EFS: variants seen among roughly 807,000 people sequenced by gnomAD.
EFS encodes the protein Cas scaffolding protein family member 3.
Under a neutral mutation model 42.2 loss-of-function variants are expected in EFS, and 34 were observed. The ratio of observed to expected loss-of-function variants is 0.81; its 90% CI spans 0.61 to 1.07. EFS has a LOEUF of 1.07. Ranked by LOEUF, EFS falls within the 50% of genes least tolerant of loss-of-function variation. The probability of loss-of-function intolerance (pLI) is 0.00; values close to 1 mark genes in which losing one functional copy is unlikely to be tolerated. For missense variants in EFS, 717 were observed against 729.4 expected (o/e 0.98, Z 0.20); for synonymous variants, 299 against 320.7 (o/e 0.93, Z 0.72).
In EFS at chr14:23,360,276, A is replaced by G. The variant is rs768946317; in HGVS notation, c.303T>C (p.Tyr101=). 2.2e-5 allele frequency: 35 copies of G among 1,611,366 alleles called. No individual in the cohort carries two copies. The Middle Eastern group carries it at 4.9e-4, about 23-fold the overall frequency. Residue 101 remains tyrosine, a synonymous_variant, in exon 3 of 6, where the codon TAT becomes TAC. Coordinates refer to ENST00000216733, the MANE Select transcript of EFS (RefSeq NM_005864.4). ...PDHSNEDQEV[Y]VVPPPARPCP... Reference sequence around the variant, plus strand: ...AGGGCCGAGCTGGGGGCGGCACCACATACACCTGAGGGATCAAATAGATGG... The same window carrying G: ...AGGGCCGAGCTGGGGGCGGCACCACGTACACCTGAGGGATCAAATAGATGG...
At chr14:23,364,061 A>G (rs1312669964) in intron 1 of EFS, among the ~76,000 whole-genome samples, 1 of 152,108 alleles carries the variant, frequency 6.6e-6, no homozygotes, top group South Asian at 2.1e-4. Context: ...GTCCCCACTG[A>G]GAAGGGAACA....
At chr14:23,363,440 T>C (rs190198708) in intron 1 of EFS, among the ~76,000 whole-genome samples, 1 of 152,280 alleles carries the variant, frequency 6.6e-6, no homozygotes, top group Non-Finnish European at 1.5e-5. Flanking sequence ...ATAGCTGTTA[T>C]TAGAATCCTG....
chr14:23,358,225 T>TC (rs1253558090), intron 5 of EFS, among the ~76,000 whole-genome samples: 1 of 152,194 alleles, frequency 6.6e-6, no homozygotes, highest in African/African-American at 2.4e-5. Context: ...ATAGTGCAGT[T>TC]CTAGTATGTA....
intron 1 of EFS, among the ~76,000 whole-genome samples, chr14:23,362,976 C>T (rs1890204507): frequency 1.3e-5 from 2 of 149,368 alleles, no homozygotes; most frequent in African/African-American, 2.5e-5. Flanking sequence ...TGCAGTGGTG[C>T]GATCTCGGCT....
chr14:23,361,264 T>C (rs993225447), intron 1 of EFS, among the ~76,000 whole-genome samples: 3 of 152,220 alleles, frequency 2.0e-5, no homozygotes, highest in African/African-American at 4.8e-5. Flanking sequence ...TGAATGAATG[T>C]CTTCCAAAAC....
intron 5 of EFS, among the ~76,000 whole-genome samples, chr14:23,358,291 A>C (rs11158148): frequency 0.41 from 61,878 of 151,964 alleles, 15,013 homozygotes; most frequent in African/African-American, 0.69. Context: ...GGGCTTAGCA[A>C]AGTGCATTTC....
intron 1 of EFS, among the ~76,000 whole-genome samples, chr14:23,363,102 G>A (rs1050568675): frequency 6.6e-6 from 1 of 151,596 alleles, no homozygotes; most frequent in Non-Finnish European, 1.5e-5. Flanking sequence ...TTTAGTAGAG[G>A]CGGGGTTTCA....
chr14:23,361,687 T>A (rs919546626), intron 1 of EFS, among the ~76,000 whole-genome samples: 1 of 152,302 alleles, frequency 6.6e-6, no homozygotes, highest in African/African-American at 2.4e-5. Context: ...TCCAGTCCTG[T>A]CTGGTGGGGG....
intron 1 of EFS, 101 bp from the exon 2 acceptor site, chr14:23,360,934 T>C: frequency 8.0e-7 from 1 of 1,255,522 alleles, no homozygotes; most frequent in Non-Finnish European, 1.1e-6. Context: ...TCCCTCAAGC[T>C]AAAAAACCTG....
Position 23,365,096 on chromosome 14 carries a change from C to T in EFS, c.-71G>A, listed in dbSNP as rs1566494085. On this transcript the variant is annotated 5_prime_UTR_variant, in exon 1 of 6. Coordinates refer to ENST00000216733, the MANE Select transcript of EFS (RefSeq NM_005864.4). The surrounding 1 kb of genome is among the most constrained non-coding windows in gnomAD (Gnocchi z 5.3). ...GCTGACTTCAGCGGTGGCTGCCCCG[C>T]ACCATGGTCCGCGGCCTCTAGCCCC... 1 of 1,246,074 alleles carries T rather than the reference C, an allele frequency of 8.0e-7. No individual in the cohort carries two copies. The highest frequency in any genetic ancestry group is 1.5e-5 in the African/African-American group (1 of 64,644). 77.2% of individuals were successfully genotyped at this position (1,246,074 alleles called of 1,614,324 possible). A position where few individuals can be genotyped will look rare whatever the true frequency, so the allele number is the denominator to read the frequency against.
intron 1 of EFS, 47 bp downstream of exon 1, chr14:23,364,961 G>T: frequency 7.9e-7 from 1 of 1,265,888 alleles, no homozygotes; most frequent in Non-Finnish European, 1.0e-6. Context: ...CGCAGGGCAG[G>T]CCGTGGAGGT....
intron 1 of EFS, among the ~76,000 whole-genome samples, chr14:23,361,780 T>C (rs1036885426): frequency 2.0e-5 from 3 of 152,228 alleles, no homozygotes; most frequent in East Asian, 3.8e-4. Context: ...CCAGACACTG[T>C]GCAAATCTTT....
rs533010610 is a variant in EFS, at chr14:23,360,430, C to T, written c.297+125G>A. 2.4e-5 allele frequency: 36 copies of T among 1,491,650 alleles called. No homozygotes were observed. In the South Asian group the frequency reaches 3.3e-4, roughly 14 times the overall value. 92.4% of individuals were successfully genotyped at this position (1,491,650 alleles called of 1,614,324 possible). ...AGGTTGGTAGACAGGTTTCGTCCAG[C>T]GCAGAGCAGTGAAGAGCTGTGGCCT... On this transcript the variant is annotated intron_variant, in intron 2 of 5. Transcript: ENST00000216733.
chr14:23,357,060 TA>T lies in EFS; in HGVS notation c.*165del. On this transcript the variant is annotated 3_prime_UTR_variant, in exon 6 of 6. Coordinates refer to ENST00000216733, the MANE Select transcript of EFS (RefSeq NM_005864.4). Reference sequence around the variant, plus strand: ...ATGGCTTGTACAAAAAGCTGTAGGTTAGGGGGAGAAGACACCTCTGTGAGAG... The same window carrying T: ...ATGGCTTGTACAAAAAGCTGTAGGTTGGGGGAGAAGACACCTCTGTGAGAG... The T allele has an allele frequency of 2.0e-6, 1 of 510,296 alleles. No individual in the cohort carries two copies. The highest frequency in any genetic ancestry group is 3.3e-6 in the Non-Finnish European group (1 of 306,118). The allele number at this position is 510,296 out of a possible 1,614,324, so 31.6% of individuals were successfully genotyped here.
intron 1 of EFS, among the ~76,000 whole-genome samples, chr14:23,363,708 C>T (rs1397684863): frequency 1.3e-5 from 2 of 152,036 alleles, no homozygotes; most frequent in Non-Finnish European, 2.9e-5. Context: ...GAGGCTGAGG[C>T]GGATGGATTG....
In EFS at chr14:23,364,985, C is replaced by T. The variant is rs1286169020; in HGVS notation, c.18+23G>A. The T allele has an allele frequency of 3.1e-6, 4 of 1,306,438 alleles. No homozygotes were observed. In the African/African-American group the frequency reaches 6.0e-5, roughly 20 times the overall value. The allele number at this position is 1,306,438 out of a possible 1,614,324, so 80.9% of individuals were successfully genotyped here. A position where few individuals can be genotyped will look rare whatever the true frequency, so the allele number is the denominator to read the frequency against. On this transcript the variant is annotated intron_variant, in intron 1 of 5. Coordinates refer to ENST00000216733, the MANE Select transcript of EFS (RefSeq NM_005864.4). ...GGCCGTGGAGGTCTCTCCCCGGCAG[C>T]CTCCACTCCCTGGTGGACTCACCGA...
Position 23,357,477 on chromosome 14 carries a change from C to T in EFS, c.1435G>A (p.Val479Met). ...ACAAACACCAGGCGATGAGCAGCCA[C>T]CACCACCCTCTTGCTGTGGGGCACG... ...LFVPHSKRVV[V>M]AAHRLVFVGD... Residue 479 changes from valine (V) to methionine (M), a missense_variant, in exon 6 of 6, where the codon GTG becomes ATG. Coordinates refer to ENST00000216733, the MANE Select transcript of EFS (RefSeq NM_005864.4). 1 of 1,614,020 alleles carries T rather than the reference C, an allele frequency of 6.2e-7. No individual in the cohort carries two copies. The highest frequency in any genetic ancestry group is 8.5e-7 in the Non-Finnish European group (1 of 1,180,016).
rs1449616261 is a variant in EFS, at chr14:23,360,568, T to C, written c.284A>G (p.Asn95Ser). 3.2e-6 allele frequency: 5 copies of C among 1,551,142 alleles called. No homozygotes were observed. Among genetic ancestry groups the C allele is most frequent in the Non-Finnish European group, 4.4e-6 (5 of 1,147,932 alleles). Residue 95 changes from asparagine to serine, a missense_variant, in exon 2 of 6, where the codon AAT becomes AGT. By Grantham distance (46) the Asn-to-Ser change is conservative. Transcript: ENST00000216733. ...TCCCACTCTCACCTCCTGGTCCTCA[T>C]TGCTGTGATCTGGGGCTGGATATGG... ...GSPYPAPDHS[N>S]EDQEVYVVPP...
At chr14:23,358,509 T>C (rs1890002600) in intron 5 of EFS, among the ~76,000 whole-genome samples, 1 of 152,118 alleles carries the variant, frequency 6.6e-6, no homozygotes, top group African/African-American at 2.4e-5. Context: ...GGCTTCTCAG[T>C]AGTGAAGCTG....
Sources: gnomAD v4.1 joint callset for allele counts (sites outside exome capture counted in the v4.1 genomes callset) on GRCh38, gnomAD v4.1.1 for gene constraint, Gnocchi (gnomAD v3.1) non-coding constraint, MANE v1.5 for transcripts, NCBI Gene and HGNC (gene_info 2026-07-23, HGNC 2026-07-21) for gene names.